LRMDA: variants seen among roughly 807,000 people sequenced by gnomAD.
The protein encoded by LRMDA is leucine rich melanocyte differentiation associated, also known as leucine-rich melanocyte differentiation-associated protein.
In LRMDA, 18 loss-of-function variants were observed where a neutral mutation model predicts 29.8. The ratio of observed to expected loss-of-function variants is 0.60; its 90% CI spans 0.42 to 0.90. The LOEUF is 0.90. Among genes scored for constraint, LRMDA ranks in the 40% least tolerant of loss-of-function variants. The probability of loss-of-function intolerance (pLI) is 0.00; values close to 1 mark genes in which losing one functional copy is unlikely to be tolerated. For synonymous variants in LRMDA, 125 were observed against 109.4 expected (o/e 1.14, Z -0.89); for missense variants, 273 against 273.9 (o/e 1.00, Z 0.02).
At chr10:76,075,264 C>T (rs1035497891) in intron 5 of LRMDA, among the ~76,000 whole-genome samples, 1 of 152,168 alleles carries the variant, frequency 6.6e-6, no homozygotes, top group Non-Finnish European at 1.5e-5. Flanking sequence ...TTAAGGTGGG[C>T]CCTAATCCAT....
At chr10:76,154,433 CTT>C (rs1422294512) in intron 5 of LRMDA, among the ~76,000 whole-genome samples, 1 of 152,162 alleles carries the variant, frequency 6.6e-6, no homozygotes, top group East Asian at 1.9e-4. Context: ...ACCTCTATGT[CTT>C]TTTGAAAAAT....
intron 6 of LRMDA, among the ~76,000 whole-genome samples, chr10:76,448,951 G>T (rs1283310372): frequency 1.3e-5 from 2 of 151,706 alleles, no homozygotes; most frequent in Non-Finnish European, 1.5e-5. Context: ...TATTTACTTT[G>T]TGATCTAATG....
chr10:75,796,815 T>G (rs2132257231), intron 2 of LRMDA, among the ~76,000 whole-genome samples: 1 of 152,370 alleles, frequency 6.6e-6, no homozygotes. Flanking sequence ...TCCACCCGCC[T>G]TGGCCTCCCA....
intron 2 of LRMDA, among the ~76,000 whole-genome samples, chr10:75,460,944 G>A (rs1434925925): frequency 6.6e-6 from 1 of 152,028 alleles, no homozygotes; most frequent in Non-Finnish European, 1.5e-5. Flanking sequence ...GTTTCAGCAA[G>A]ATAATTTCAC....
intron 2 of LRMDA, among the ~76,000 whole-genome samples, chr10:75,986,701 G>A (rs1272933443): frequency 6.6e-6 from 1 of 152,260 alleles, no homozygotes; most frequent in Non-Finnish European, 1.5e-5. Context: ...GATGTTGTAA[G>A]GGACCTATTG....
At chr10:75,538,851 A>C (rs2043090) in intron 2 of LRMDA, among the ~76,000 whole-genome samples, 29 of 152,142 alleles carry the variant, frequency 1.9e-4, no homozygotes, top group Non-Finnish European at 3.7e-4. Context: ...ATCCCCAGGC[A>C]ATGACCTTCT....
intron 2 of LRMDA, among the ~76,000 whole-genome samples, chr10:75,517,464 T>A (rs1208949839): frequency 3.3e-5 from 5 of 152,318 alleles, no homozygotes; most frequent in Admixed American, 3.3e-4. Context: ...TTGTAGCAGT[T>A]GTGAATGGGA....
At position 76,478,489 on chromosome 10, in the gene LRMDA, C is replaced by T. The variant is rs544459659; in HGVS notation, c.602-78720C>T. 6.3e-3 allele frequency among the ~76,000 whole-genome samples: 962 copies of T among 152,210 alleles called. 6 individuals carry two copies. Among genetic ancestry groups the T allele is most frequent in the African/African-American group, 0.022 (933 of 41,546 alleles). ...TCAACCATTGTGGAAGTCAGTGTGG[C>T]AATTCCTCAGGGATCTAGAACTAGA... On this transcript the variant is annotated intron_variant, in intron 6 of 6. Coordinates refer to ENST00000611255, the MANE Select transcript of LRMDA (RefSeq NM_001305581.2).
intron 2 of LRMDA, among the ~76,000 whole-genome samples, chr10:75,478,398 C>T (rs990495512): frequency 2.1e-4 from 32 of 152,256 alleles, no homozygotes; most frequent in African/African-American, 7.2e-4. Flanking sequence ...CTGTCAACAG[C>T]GAATCTCCAA....
intron 5 of LRMDA, among the ~76,000 whole-genome samples, chr10:76,151,106 G>T (rs1330761547): frequency 6.6e-6 from 1 of 152,140 alleles, no homozygotes; most frequent in African/African-American, 2.4e-5. Context: ...AGCTTCAGAC[G>T]TAGGGCTCAA....
intron 2 of LRMDA, among the ~76,000 whole-genome samples, chr10:75,541,381 T>G (rs941717614): frequency 6.7e-6 from 1 of 149,680 alleles, no homozygotes; most frequent in African/African-American, 2.4e-5. Flanking sequence ...CTTTTAATAC[T>G]CCACAAATCT....
intron 5 of LRMDA, among the ~76,000 whole-genome samples, chr10:76,110,368 A>T (rs1433053018): frequency 1.3e-5 from 2 of 152,174 alleles, no homozygotes; most frequent in Non-Finnish European, 2.9e-5. Flanking sequence ...TAGTCCCCAA[A>T]CTAGTCTTAC....
At chr10:75,745,058 G>C (rs187669939) in intron 2 of LRMDA, among the ~76,000 whole-genome samples, 37 of 152,284 alleles carry the variant, frequency 2.4e-4, no homozygotes, top group African/African-American at 8.9e-4. Context: ...TCTTTGCTAT[G>C]TCAGTTACTG....
At chr10:75,952,641 G>T (rs1846596027) in intron 2 of LRMDA, among the ~76,000 whole-genome samples, 1 of 152,218 alleles carries the variant, frequency 6.6e-6, no homozygotes, top group South Asian at 2.1e-4. Context: ...TAAATTAGAA[G>T]ATTCTAATGC....
At chr10:75,924,585 T>C (rs1846086351) in intron 2 of LRMDA, among the ~76,000 whole-genome samples, 1 of 152,136 alleles carries the variant, frequency 6.6e-6, no homozygotes, top group African/African-American at 2.4e-5. Context: ...CAGAGGAGTG[T>C]GAAGCCAGAG....
chr10:75,543,865 T>TGATTTTCACTCCTCTG, intron 2 of LRMDA, among the ~76,000 whole-genome samples: 1 of 152,306 alleles, frequency 6.6e-6, no homozygotes, highest in Admixed American at 6.5e-5. Flanking sequence ...ATGTCCCTGA[T>TGATTTTCACTCCTCTG]GATTTTCACT....
intron 5 of LRMDA, among the ~76,000 whole-genome samples, chr10:76,214,146 A>G (rs552504527): frequency 3.9e-5 from 6 of 152,040 alleles, no homozygotes; most frequent in Non-Finnish European, 8.8e-5. Context: ...ACAGCATAAT[A>G]TAGCACAAAA....
At chr10:75,573,136 TG>T (rs1237279810) in intron 2 of LRMDA, among the ~76,000 whole-genome samples, 3 of 152,240 alleles carry the variant, frequency 2.0e-5, no homozygotes, top group Admixed American at 6.5e-5. Context: ...TGGAATTTGC[TG>T]TTACTGGTAA....
intron 2 of LRMDA, among the ~76,000 whole-genome samples, chr10:75,528,670 A>T (rs527302686): frequency 6.6e-6 from 1 of 152,184 alleles, no homozygotes; most frequent in African/African-American, 2.4e-5. Context: ...ATAGTTCTCT[A>T]TTCTTAAATG....
Sources: allele counts gnomAD v4.1 joint callset (sites outside exome capture counted in the v4.1 genomes callset), GRCh38; gene constraint gnomAD v4.1.1; transcripts MANE v1.5; gene names NCBI Gene and HGNC (gene_info 2026-07-23, HGNC 2026-07-21).